The following KRABD3 variants were observed in gnomAD, a reference collection of about 807,000 sequenced individuals.
KRABD3 encodes KRAB domain containing 3.
At chr7:149,721,294 C>G in the KRABD3 span, 1 of 1,449,972 alleles carries the variant, frequency 6.9e-7, no homozygotes, top group East Asian at 2.3e-5. Flanking sequence ...ATTGTTAGTA[C>G]ATGGCAAGGA....
the KRABD3 span, chr7:149,720,978 G>A: frequency 6.2e-7 from 1 of 1,613,614 alleles, no homozygotes; most frequent in African/African-American, 1.3e-5. Flanking sequence ...TGGAGAGAGA[G>A]CGAGCCCCGA....
chr7:149,733,516 G>T, the KRABD3 span: 1 of 1,591,884 alleles, frequency 6.3e-7, no homozygotes, highest in Non-Finnish European at 8.5e-7. Context: ...CTTCCTGGAT[G>T]TGGACCCTCC....
the KRABD3 span, chr7:149,729,151 TG>T: frequency 7.0e-7 from 1 of 1,438,834 alleles, no homozygotes; most frequent in South Asian, 1.6e-5. Flanking sequence ...CGAGGCCCCG[TG>T]GGGCTGACAG....
At chr7:149,715,005 C>G in the KRABD3 span, 1 of 1,223,394 alleles carries the variant, frequency 8.2e-7, no homozygotes, top group Non-Finnish European at 1.0e-6. Flanking sequence ...TGCGCCCGCG[C>G]CAGGGCCCGC....
At chr7:149,721,292 T>C in the KRABD3 span, 1 of 1,446,686 alleles carries the variant, frequency 6.9e-7, no homozygotes, top group Non-Finnish European at 9.3e-7. Flanking sequence ...TCATTGTTAG[T>C]ACATGGCAAG....
chr7:149,733,384 T>C, the KRABD3 span: 1 of 1,611,718 alleles, frequency 6.2e-7, no homozygotes, highest in Non-Finnish European at 8.5e-7. Flanking sequence ...GTGCTGCCCT[T>C]GCGGAGAAGC....
chr7:149,726,657 C>T, the KRABD3 span, among the ~76,000 whole-genome samples: 1 of 152,006 alleles, frequency 6.6e-6, no homozygotes, highest in African/African-American at 2.4e-5. Context: ...AGGCTGGTCT[C>T]GAACTCCTGA....
the KRABD3 span, chr7:149,725,904 G>T: frequency 1.3e-6 from 2 of 1,591,550 alleles, no homozygotes; most frequent in South Asian, 1.1e-5. Context: ...CAGAGAGCCT[G>T]TTCTGCCTCT....
At chr7:149,720,681 G>C in the KRABD3 span, among the ~76,000 whole-genome samples, 1 of 152,252 alleles carries the variant, frequency 6.6e-6, no homozygotes, top group Non-Finnish European at 1.5e-5. Context: ...CCTGAGCCCA[G>C]GTCCTCTATA....
the KRABD3 span, chr7:149,720,030 C>T: frequency 2.2e-5 from 34 of 1,550,256 alleles, no homozygotes; most frequent in South Asian, 3.6e-4. Flanking sequence ...TGCTCCCCCT[C>T]TCTGCTTTCC....
the KRABD3 span, chr7:149,720,807 C>T: frequency 3.5e-5 from 55 of 1,557,114 alleles, no homozygotes; most frequent in African/African-American, 3.3e-4. Flanking sequence ...CGCAGGGGTG[C>T]GGGGGGGTCA....
the KRABD3 span, chr7:149,733,617 T>G: frequency 6.3e-7 from 1 of 1,594,096 alleles, no homozygotes; most frequent in Non-Finnish European, 8.5e-7. Flanking sequence ...CCAAAGATCC[T>G]GCGTGGCCAG....
the KRABD3 span, chr7:149,721,121 G>A: frequency 8.5e-5 from 110 of 1,292,618 alleles, no homozygotes; most frequent in East Asian, 2.3e-3. Flanking sequence ...GCTGTTCCTC[G>A]TGGCTAGGCC....
chr7:149,729,268 A>C, the KRABD3 span: 1 of 1,603,814 alleles, frequency 6.2e-7, no homozygotes, highest in Non-Finnish European at 8.5e-7. Flanking sequence ...CCATCTGGTC[A>C]GCCCACAGGT....
the KRABD3 span, chr7:149,721,472 A>T: frequency 1.9e-6 from 3 of 1,613,074 alleles, no homozygotes; most frequent in Non-Finnish European, 2.5e-6. Context: ...CACCACGCCC[A>T]CCGACAGCTC....
chr7:149,733,545 C>G, the KRABD3 span: 1 of 1,599,112 alleles, frequency 6.3e-7, no homozygotes, highest in Non-Finnish European at 8.5e-7. Context: ...CCTCGCTGGG[C>G]TCATGGCCCT....
At chr7:149,722,836 A>G in the KRABD3 span, 1 of 1,612,612 alleles carries the variant, frequency 6.2e-7, no homozygotes, top group Non-Finnish European at 8.5e-7. Flanking sequence ...TCTGAAGGAA[A>G]TCCTTGTGCC....
At chr7:149,732,644 T>C in the KRABD3 span, among the ~76,000 whole-genome samples, 2 of 152,056 alleles carry the variant, frequency 1.3e-5, no homozygotes, top group Non-Finnish European at 2.9e-5. The surrounding 1 kb of genome is among the most constrained non-coding windows in gnomAD (Gnocchi z 4.0). Context: ...TTATGACTCC[T>C]ATGAATCTGT....
At chr7:149,721,093 C>T in the KRABD3 span, 42 of 1,436,330 alleles carry the variant, frequency 2.9e-5, no homozygotes, top group Admixed American at 4.2e-5. Context: ...AGGCACAGGC[C>T]GGGAGGCAGA....
Sources: allele counts gnomAD v4.1 joint callset (sites outside exome capture counted in the v4.1 genomes callset), GRCh38; gene constraint gnomAD v4.1.1; non-coding constraint Gnocchi (gnomAD v3.1); transcripts MANE v1.5; gene names NCBI Gene and HGNC (gene_info 2026-07-23, HGNC 2026-07-21).